The following CERT1 variants were observed in gnomAD, a reference collection of about 807,000 sequenced individuals.
CERT1 encodes the protein ceramide transporter 1, also known as ceramide transfer protein.
A neutral mutation model predicts 87.9 loss-of-function variants in CERT1; 31 were observed. The observed-to-expected ratio is 0.35, with a 90% CI of 0.27 to 0.48. The LOEUF (loss-of-function observed/expected upper bound fraction) is 0.48. Ranked by LOEUF, CERT1 falls within the 20% of genes least tolerant of loss-of-function variation. CERT1 has a pLI of 0.99. For synonymous variants in CERT1, 289 were observed against 250.9 expected (o/e 1.15, Z -1.44); for missense variants, 487 against 758.0 (o/e 0.64, Z 4.20).
chr5:75,384,144 T>C (rs1024713777), intron 14 of CERT1, among the ~76,000 whole-genome samples: 25 of 152,202 alleles, frequency 1.6e-4, no homozygotes, highest in African/African-American at 4.6e-4. Flanking sequence ...CACTTTCATA[T>C]TTGGTAACTA....
In CERT1 at chr5:75,378,034, C is replaced by T. The variant is rs1201007704; in HGVS notation, c.*1312G>A. On this transcript the variant is annotated 3_prime_UTR_variant, in exon 17 of 17. Coordinates refer to ENST00000643780, the MANE Select transcript of CERT1 (RefSeq NM_001379029.1). ...CCTCAAGCCATTCTCCCACCTCAGT[C>T]TCCCAAAAAGTGTTGGGATTACAGG... 2.0e-5 allele frequency: 3 copies of T among 152,260 alleles called. No individual in the cohort carries two copies. The highest frequency in any genetic ancestry group is 4.4e-5 in the Non-Finnish European group (3 of 68,068). 9.4% of individuals were successfully genotyped at this position (152,260 alleles called of 1,614,324 possible). A position where few individuals can be genotyped will look rare whatever the true frequency, so the allele number is the denominator to read the frequency against.
rs539839176 is a variant in CERT1, at chr5:75,456,538, G to A, written c.348+2527C>T. Among the ~76,000 whole-genome samples, 3 of 151,810 alleles carry A rather than the reference G, an allele frequency of 2.0e-5. No individual in the cohort carries two copies. The East Asian group carries it at 5.8e-4, about 29-fold the overall frequency. Reference sequence around the variant, plus strand: ...ACAAAAAATTAATTAGCCAGGCACGGTGGTGCATGCCTGTAGTCCCAGCTA... The same window carrying A: ...ACAAAAAATTAATTAGCCAGGCACGATGGTGCATGCCTGTAGTCCCAGCTA... On this transcript the variant is annotated intron_variant, in intron 3 of 16. Transcript: ENST00000643780.
At chr5:75,428,505 T>C (rs1763720913) in intron 3 of CERT1, among the ~76,000 whole-genome samples, 1 of 152,092 alleles carries the variant, frequency 6.6e-6, no homozygotes, top group South Asian at 2.1e-4. Flanking sequence ...GGTGAAACCC[T>C]GTCTCTACTA....
At chr5:75,486,575 T>C (rs1196275774) in intron 2 of CERT1, among the ~76,000 whole-genome samples, 1 of 152,172 alleles carries the variant, frequency 6.6e-6, no homozygotes, top group East Asian at 1.9e-4. Context: ...GAAATGATAA[T>C]GACCTTATAT....
At chr5:75,451,249 C>A (rs1048090942) in intron 3 of CERT1, among the ~76,000 whole-genome samples, 1 of 152,110 alleles carries the variant, frequency 6.6e-6, no homozygotes, top group Admixed American at 6.6e-5. Context: ...TTATTAGGAA[C>A]CAAATTCTTG....
At chr5:75,493,311 T>C (rs1766887272) in intron 2 of CERT1, among the ~76,000 whole-genome samples, 1 of 152,232 alleles carries the variant, frequency 6.6e-6, no homozygotes, top group Non-Finnish European at 1.5e-5. Context: ...ATTCTAAACA[T>C]ATCATTTCAT....
At chr5:75,498,401 G>C (rs1178413284) in intron 2 of CERT1, among the ~76,000 whole-genome samples, 1 of 152,196 alleles carries the variant, frequency 6.6e-6, no homozygotes, top group East Asian at 1.9e-4. Flanking sequence ...CAAACACCTG[G>C]AGGCCTAGGA....
rs779497558 is a variant in CERT1, at chr5:75,423,252, T to C, written c.595+2109A>G. ...ACGCTATTGGTATGGACCATTAAGA[T>C]AAACAAGGCATCATATTCTATATGT... On this transcript the variant is annotated intron_variant, in intron 5 of 16. Transcript: ENST00000643780. Among the ~76,000 whole-genome samples the C allele has an allele frequency of 8.5e-5, 13 of 152,246 alleles. 1 individual carries two copies. The South Asian group carries it at 1.0e-3, about 12-fold the overall frequency.
chr5:75,371,855 G>C (rs1190549986), intron 17 of CERT1: 1 of 152,284 alleles, frequency 6.6e-6, no homozygotes, highest in East Asian at 1.9e-4. Context: ...TCAGCTTAAT[G>C]AAAATAATTG....
chr5:75,493,727 T>C (rs1014707276), intron 2 of CERT1, among the ~76,000 whole-genome samples: 3 of 152,214 alleles, frequency 2.0e-5, no homozygotes, highest in Non-Finnish European at 2.9e-5. Context: ...AATTTTTCTT[T>C]TATTATTTCA....
intron 12 of CERT1, among the ~76,000 whole-genome samples, chr5:75,388,729 A>C (rs924733169): frequency 2.0e-5 from 3 of 150,128 alleles, no homozygotes; most frequent in African/African-American, 7.3e-5. Flanking sequence ...TGGCTCAAGG[A>C]ATCTTTTGCC....
In CERT1 at chr5:75,474,503, G is replaced by A. The variant is rs146702991; in HGVS notation, c.232-15322C>T. Among the ~76,000 whole-genome samples the A allele has an allele frequency of 2.1e-3, 316 of 152,156 alleles. 1 individual carries two copies. In the East Asian group the frequency reaches 0.027, roughly 13 times the overall value. On this transcript the variant is annotated intron_variant, in intron 2 of 16. Coordinates refer to ENST00000643780, the MANE Select transcript of CERT1 (RefSeq NM_001379029.1). ...AGATCTGTTCTCTTAGTATATCACG[G>A]AAGTCAGTTAAAAATAAATGATTTT...
chr5:75,493,627 T>A (rs1766912984), intron 2 of CERT1, among the ~76,000 whole-genome samples: 1 of 152,228 alleles, frequency 6.6e-6, no homozygotes. Context: ...CTCAGCACAA[T>A]GTGTCTTTAA....
At chr5:75,453,840 GA>G (rs1764860042) in intron 3 of CERT1, among the ~76,000 whole-genome samples, 1 of 152,130 alleles carries the variant, frequency 6.6e-6, no homozygotes, top group African/African-American at 2.4e-5. Flanking sequence ...GAGAGAGAGA[GA>G]GAGCACGAGT....
chr5:75,425,557 G>A (rs1763579875), intron 4 of CERT1, 58 bp from the exon 5 acceptor site: 1 of 1,547,618 alleles, frequency 6.5e-7, no homozygotes. Context: ...GATTTCATGT[G>A]GTCCTATGGT....
chr5:75,448,356 T>C (rs191718704), intron 3 of CERT1, among the ~76,000 whole-genome samples: 51 of 152,324 alleles, frequency 3.3e-4, no homozygotes, highest in African/African-American at 1.0e-3. Context: ...TGAAAAATGA[T>C]AGAACTGTTT....
At chr5:75,499,742 C>A (rs903632028) in intron 2 of CERT1, among the ~76,000 whole-genome samples, 1 of 152,144 alleles carries the variant, frequency 6.6e-6, no homozygotes, top group Non-Finnish European at 1.5e-5. Flanking sequence ...GTTCCTACAA[C>A]CCCTACACAA....
At chr5:75,456,112 A>T (rs1764971326) in intron 3 of CERT1, among the ~76,000 whole-genome samples, 1 of 152,178 alleles carries the variant, frequency 6.6e-6, no homozygotes, top group African/African-American at 2.4e-5. Context: ...ATGATACTGA[A>T]GAATGAATCA....
rs118119090 is a variant in CERT1, at chr5:75,407,743, A to G, written c.930+3268T>C. ...TCAGTACTGACTGAATGTTTAAGTT[A>G]AATATTAAAAGCCAGTGCCCTTATA... is the stretch of plus-strand genomic sequence containing the variant. On this transcript the variant is annotated intron_variant, in intron 8 of 16. Coordinates refer to ENST00000643780, the MANE Select transcript of CERT1 (RefSeq NM_001379029.1). Among the ~76,000 whole-genome samples, 163 of 152,270 alleles carry G rather than the reference A, an allele frequency of 1.1e-3. 1 individual carries two copies. The East Asian group carries it at 0.027, about 25-fold the overall frequency.
Sources: allele counts gnomAD v4.1 joint callset (sites outside exome capture counted in the v4.1 genomes callset), GRCh38; gene constraint gnomAD v4.1.1; transcripts MANE v1.5; gene names NCBI Gene and HGNC (gene_info 2026-07-23, HGNC 2026-07-21).